NEGR1: variants seen among roughly 807,000 people sequenced by gnomAD.
NEGR1 encodes the protein neuronal growth regulator 1, also known as IgLON family member 4.
A neutral mutation model predicts 40.9 loss-of-function variants in NEGR1; 10 were observed. The ratio of observed to expected loss-of-function variants is 0.24; its 90% CI spans 0.15 to 0.42. NEGR1 has a LOEUF of 0.42. NEGR1 is among the 10% of genes least tolerant of loss of function. NEGR1 has a pLI of 1.00. For synonymous variants in NEGR1, 185 were observed against 166.8 expected, an observed-to-expected ratio of 1.11 and a Z score of -0.84; for missense variants, 352 against 438.9, an observed-to-expected ratio of 0.80 and a Z score of 1.77.
intron 1 of NEGR1, among the ~76,000 whole-genome samples, chr1:72,124,233 A>C (rs1649919859): frequency 1.3e-5 from 2 of 152,004 alleles, no homozygotes; most frequent in Non-Finnish European, 2.9e-5. Flanking sequence ...GACCCTCTCC[A>C]GTCCTAAGCA....
intron 2 of NEGR1, among the ~76,000 whole-genome samples, chr1:71,909,105 G>A (rs543149648): frequency 6.6e-6 from 1 of 152,222 alleles, no homozygotes; most frequent in African/African-American, 2.4e-5. Flanking sequence ...TGGATTGCCT[G>A]TGAGTCTTTC....
chr1:72,128,350 C>CAGAA (rs1320189663), intron 1 of NEGR1, among the ~76,000 whole-genome samples: 1 of 152,050 alleles, frequency 6.6e-6, no homozygotes, highest in Non-Finnish European at 1.5e-5. Flanking sequence ...GAAAGCAAGA[C>CAGAA]AGAAAGTATT....
chr1:71,698,232 G>T, intron 3 of NEGR1, 93 bp from the exon 4 acceptor site: 1 of 1,080,436 alleles, frequency 9.3e-7, no homozygotes. Context: ...AGATACTGCT[G>T]ACAAAACAAT....
intron 4 of NEGR1, among the ~76,000 whole-genome samples, chr1:71,662,953 GT>G (rs1044728899): frequency 4.7e-4 from 70 of 148,012 alleles, no homozygotes; most frequent in South Asian, 8.5e-4. Flanking sequence ...GTTTTTTAGT[GT>G]TTTTTTTTTC....
At chr1:71,997,642 G>A (rs193095063) in intron 1 of NEGR1, among the ~76,000 whole-genome samples, 111 of 151,932 alleles carry the variant, frequency 7.3e-4, no homozygotes, top group African/African-American at 2.6e-3. Context: ...ATCTATTATA[G>A]TACCTTGTAT....
At chr1:71,690,264 T>C (rs1431405822) in intron 4 of NEGR1, among the ~76,000 whole-genome samples, 2 of 151,986 alleles carry the variant, frequency 1.3e-5, no homozygotes, top group Non-Finnish European at 2.9e-5. Flanking sequence ...TATAAATGGC[T>C]CTCACATATT....
At chr1:71,688,325 T>TATATATATATATAGATAGATAG (rs1475341609) in intron 4 of NEGR1, among the ~76,000 whole-genome samples, 2 of 103,208 alleles carry the variant, frequency 1.9e-5, no homozygotes, top group Non-Finnish European at 3.8e-5. Flanking sequence ...TATATATATA[T>TATATATATATATAGATAGATAG]ATAGATAGAT....
intron 2 of NEGR1, among the ~76,000 whole-genome samples, chr1:71,880,458 G>C (rs1349472083): frequency 6.6e-6 from 1 of 151,900 alleles, no homozygotes; most frequent in Non-Finnish European, 1.5e-5. Context: ...AGTGTTAGCA[G>C]GAACAAAGAT....
chr1:72,184,834 C>T (rs1220446315), intron 1 of NEGR1, among the ~76,000 whole-genome samples: 1 of 151,942 alleles, frequency 6.6e-6, no homozygotes, highest in Non-Finnish European at 1.5e-5. Flanking sequence ...GTTTCCTAAC[C>T]TCTACAGGTG....
At chr1:71,728,697 G>T (rs1329381742) in intron 3 of NEGR1, among the ~76,000 whole-genome samples, 1 of 152,070 alleles carries the variant, frequency 6.6e-6, no homozygotes, top group African/African-American at 2.4e-5. Flanking sequence ...GTAAAGAAAG[G>T]AACATTGATT....
chr1:71,620,030 G>A (rs1650561400), intron 4 of NEGR1, among the ~76,000 whole-genome samples: 1 of 151,940 alleles, frequency 6.6e-6, no homozygotes, highest in African/African-American at 2.4e-5. Context: ...TCCTTACTAA[G>A]TTGAGGTAGT....
At chr1:71,740,006 T>C (rs1054945257) in intron 3 of NEGR1, among the ~76,000 whole-genome samples, 1 of 152,206 alleles carries the variant, frequency 6.6e-6, no homozygotes, top group African/African-American at 2.4e-5. Context: ...CAGTCTCTAA[T>C]ACAGAAAGAT....
At chr1:71,910,705 T>C (rs1198348378) in intron 2 of NEGR1, among the ~76,000 whole-genome samples, 1 of 152,130 alleles carries the variant, frequency 6.6e-6, no homozygotes, top group African/African-American at 2.4e-5. Flanking sequence ...TTTGTTTTTG[T>C]TTTTGTTTTT....
intron 6 of NEGR1, among the ~76,000 whole-genome samples, chr1:71,544,759 A>G (rs1315329724): frequency 6.6e-6 from 1 of 151,708 alleles, no homozygotes; most frequent in Non-Finnish European, 1.5e-5. Context: ...ATGAGATGGT[A>G]TCAATGAGAA....
chr1:72,254,363 CT>C (rs1180799072), intron 1 of NEGR1, among the ~76,000 whole-genome samples: 3 of 152,062 alleles, frequency 2.0e-5, no homozygotes, highest in African/African-American at 7.2e-5. Context: ...GATCGTTGTG[CT>C]TTCAAAAATG....
intron 6 of NEGR1, among the ~76,000 whole-genome samples, chr1:71,426,295 C>T (rs1416689780): frequency 1.3e-5 from 2 of 152,094 alleles, no homozygotes; most frequent in Non-Finnish European, 2.9e-5. Flanking sequence ...ATGAGCAAAA[C>T]ATAGATTTTT....
intron 4 of NEGR1, among the ~76,000 whole-genome samples, chr1:71,657,231 T>C (rs1420596680): frequency 1.3e-5 from 2 of 152,216 alleles, no homozygotes; most frequent in Non-Finnish European, 2.9e-5. Context: ...TCTCTGGGAA[T>C]GGGCTCTAAC....
intron 2 of NEGR1, among the ~76,000 whole-genome samples, chr1:71,921,873 G>A (rs1361449029): frequency 1.3e-5 from 2 of 151,976 alleles, no homozygotes; most frequent in Non-Finnish European, 2.9e-5. Flanking sequence ...CAAAGGTTAT[G>A]TGCAGATTTT....
chr1:71,587,304 A>C (rs1649338727), intron 6 of NEGR1, among the ~76,000 whole-genome samples: 1 of 152,124 alleles, frequency 6.6e-6, no homozygotes. Flanking sequence ...CATCGGTTGA[A>C]TCTAACCAGG....
Sources: allele counts gnomAD v4.1 joint callset (sites outside exome capture counted in the v4.1 genomes callset), GRCh38; gene constraint gnomAD v4.1.1; transcripts MANE v1.5; gene names NCBI Gene and HGNC (gene_info 2026-07-23, HGNC 2026-07-21).